Variants in CTSE observed in about 807,000 individuals in gnomAD.
CTSE encodes cathepsin E, also known as erythrocyte membrane aspartic proteinase.
In CTSE, 43 loss-of-function variants were observed where a neutral mutation model predicts 42.8. The observed-to-expected ratio is 1.01, with a 90% CI of 0.79 to 1.30. The LOEUF is 1.30. Ranked by LOEUF, CTSE falls within the 50% of genes most tolerant of loss-of-function variation. The probability of loss-of-function intolerance (pLI) is 0.00; values close to 1 mark genes in which losing one functional copy is unlikely to be tolerated. For synonymous variants in CTSE, 205 were observed against 191.5 expected, an observed-to-expected ratio of 1.07 and a Z score of -0.58; for missense variants, 532 against 493.5, an observed-to-expected ratio of 1.08 and a Z score of -0.74.
At chr1:206,023,112 C>G (rs983237713) in intron 1 of CTSE, 55 bp from the exon 2 acceptor site, 3 of 1,557,742 alleles carry the variant, frequency 1.9e-6, no homozygotes, top group African/African-American at 2.7e-5. Context: ...CCTCTTCCCC[C>G]CATTCTCGTC....
chr1:206,023,665 C>T (rs879988878), intron 1 of CTSE, 59 bp downstream of exon 1: 1 of 1,536,886 alleles, frequency 6.5e-7, no homozygotes. Context: ...CCCAGAGCAG[C>T]CCTGAGTTGC....
rs1478918540 is a variant in CTSE at position 206,023,158 on chromosome 1, G to A, written c.69-101C>T. The A allele has an allele frequency of 3.2e-5, 32 of 1,010,568 alleles. 3 individuals are homozygous for A. The highest frequency in any genetic ancestry group is 2.5e-4 in the Admixed American group (13 of 52,122). The allele number at this position is 1,010,568 out of a possible 1,614,324, so 62.6% of individuals were successfully genotyped here. A position where few individuals can be genotyped will look rare whatever the true frequency, so the allele number is the denominator to read the frequency against. Reference sequence around the variant, plus strand: ...AGGGGCCAACTAGAGAAGATGGGGTGGGAGGGGGGGATCTGCAAGACAGCA... The same window carrying A: ...AGGGGCCAACTAGAGAAGATGGGGTAGGAGGGGGGGATCTGCAAGACAGCA... On this transcript the variant is annotated intron_variant, in intron 1 of 8. Transcript: ENST00000358184.
At position 206,013,799 on chromosome 1, in the gene CTSE, T is replaced by G; in HGVS notation, c.758A>C (p.Gln253Pro). ...ATCCAGTGCAATCTGCCAGTAAGCTTGCTTGGTGACTGGGACCCAATTCAG... is the reference window on the plus strand; with the variant it reads ...ATCCAGTGCAATCTGCCAGTAAGCTGGCTTGGTGACTGGGACCCAATTCAG... ...GSLNWVPVTKQAYWQIALDNI... is the reference protein window; with the variant it reads ...GSLNWVPVTKPAYWQIALDNI... The change falls in exon 6 of 9, where the codon CAA (glutamine) becomes CCA (proline). Residue 253 changes from glutamine to proline, a missense_variant. By Grantham distance (76) the Gln-to-Pro change is moderately conservative (BLOSUM62 -1). Coordinates refer to ENST00000358184, the MANE Select transcript of CTSE (RefSeq NM_001910.4). 6.2e-7 allele frequency: 1 copy of G among 1,613,796 alleles called. No individual in the cohort carries two copies.
At chr1:206,016,623 G>C (rs1029017757) in intron 4 of CTSE, among the ~76,000 whole-genome samples, 4 of 151,954 alleles carry the variant, frequency 2.6e-5, no homozygotes, top group Admixed American at 6.6e-5. Flanking sequence ...TAATGTGTAA[G>C]GTAGGAATTA....
chr1:206,022,263 T>A lies in CTSE; in HGVS notation c.230A>T (p.Glu77Val), dbSNP rs1553278573. ...KEPLINYLDMEYFGTISIGSP... is the reference protein window; with the variant it reads ...KEPLINYLDMVYFGTISIGSP... ...GCCAATGGAGATAGTGCCGAAGTAT[T>A]CCATCTGCAAGGAAGAGTGAGAAGG... The change falls in exon 3 of 9, where the codon GAA becomes GTA. Residue 77 changes from glutamate to valine, a missense_variant. Glu to Val is a moderately radical substitution (Grantham distance 121). Coordinates refer to ENST00000358184, the MANE Select transcript of CTSE (RefSeq NM_001910.4). 2 of 1,604,868 alleles carry A rather than the reference T, an allele frequency of 1.2e-6. No homozygotes were observed. The highest frequency in any genetic ancestry group is 4.5e-5 in the East Asian group (2 of 44,814).
intron 5 of CTSE, among the ~76,000 whole-genome samples, chr1:206,014,867 T>A (rs1213461042): frequency 2.0e-5 from 3 of 151,972 alleles, no homozygotes; most frequent in African/African-American, 7.2e-5. Flanking sequence ...TGGTCCTGAG[T>A]GCTGTCATGC....
intron 8 of CTSE, 54 bp from the exon 9 acceptor site, chr1:206,010,401 A>G (rs1472770223): frequency 5.3e-6 from 8 of 1,510,238 alleles, no homozygotes; most frequent in Non-Finnish European, 7.3e-6. Context: ...AGGTAGTAGT[A>G]CTGCCTGGAG....
At position 206,012,413 on chromosome 1, in the gene CTSE, C is replaced by T; in HGVS notation, c.928-7G>A. 1 of 1,613,948 alleles carries T rather than the reference C, an allele frequency of 6.2e-7. No homozygotes were observed. The highest frequency in any genetic ancestry group is 1.3e-5 in the African/African-American group (1 of 75,054). On this transcript the variant is annotated splice_region_variant and splice_polypyrimidine_tract_variant and intron_variant, in intron 7 of 8. Transcript: ENST00000358184. The stretch of plus-strand genomic sequence containing the variant: ...TGGCACACTCCACAGCATACTAAAA[C>T]CCAATACGGAGGATCCGTTTAGAGC...
At chr1:206,023,144 A>T in intron 1 of CTSE, 87 bp from the exon 2 acceptor site, 5 of 516,936 alleles carry the variant, frequency 9.7e-6, no homozygotes, top group East Asian at 5.9e-5. Flanking sequence ...GGGGCCAACT[A>T]GAGAAGATGG....
At position 206,022,141 on chromosome 1, in the gene CTSE, C is replaced by A; in HGVS notation, c.343+9G>T. The A allele has an allele frequency of 1.3e-6, 2 of 1,561,222 alleles. No individual in the cohort carries two copies. Among genetic ancestry groups the A allele is most frequent in the Non-Finnish European group, 8.8e-7 (1 of 1,140,384 alleles). ...GACATTCTCTGCTGGTGCTCCTGGC[C>A]CCACTTACTGCAGGCTGGGCTAGTG... On this transcript the variant is annotated intron_variant, in intron 3 of 8. Coordinates refer to ENST00000358184, the MANE Select transcript of CTSE (RefSeq NM_001910.4).
At chr1:206,023,167 G>A (rs1661500146) in intron 1 of CTSE, 110 bp from the exon 2 acceptor site, 16 of 516,046 alleles carry the variant, frequency 3.1e-5, no homozygotes, top group South Asian at 2.5e-4. Flanking sequence ...TGGGAGGGGG[G>A]GATCTGCAAG....
chr1:206,013,158 C>T (rs1279060609), intron 6 of CTSE, among the ~76,000 whole-genome samples: 2 of 152,082 alleles, frequency 1.3e-5, no homozygotes, highest in South Asian at 2.1e-4. Flanking sequence ...ACTTGAACTA[C>T]ACTTTTCCAA....
chr1:206,010,235 G>C lies in CTSE; in HGVS notation c.1139C>G (p.Ser380Ter). Residue 380 changes from serine to a stop codon, truncating the protein, a stop_gained, in exon 9 of 9, where the codon TCA becomes TGA. Coordinates refer to ENST00000358184, the MANE Select transcript of CTSE (RefSeq NM_001910.4). LOFTEE classifies it high-confidence loss of function. ...LGDVFIRQFY[S>*]VFDRGNNRVG... The stretch of plus-strand genomic sequence containing the variant: ...ACGGTTATTCCCACGGTCAAAGACT[G>C]AGTAAAACTGTCGAATGAAGACATC... 6.2e-7 allele frequency: 1 copy of C among 1,613,786 alleles called. No homozygotes were observed. Among genetic ancestry groups the C allele is most frequent in the Non-Finnish European group, 8.5e-7 (1 of 1,179,786 alleles).
intron 4 of CTSE, 143 bp downstream of exon 4, chr1:206,020,906 G>T: frequency 1.6e-6 from 1 of 644,372 alleles, no homozygotes; most frequent in East Asian, 2.7e-5. Context: ...TCTCAGGTGG[G>T]GAGTGTTGCT....
Position 206,010,278 on chromosome 1 carries a change from G to A in CTSE, c.1096C>T (p.Pro366Ser), listed in dbSNP as rs1553276757. Residue 366 changes from proline to serine, a missense_variant, in exon 9 of 9, where the codon CCC (proline) becomes TCC (serine). By Grantham distance (74) the Pro-to-Ser change is moderately conservative (BLOSUM62 -1). Coordinates refer to ENST00000358184, the MANE Select transcript of CTSE (RefSeq NM_001910.4). ...AAGACATCCCCCAGGATCCAGAGGG[G>A]CCCAGCTGGAGGGTGGATGTCAAGT... ...QGLDIHPPAGPLWILGDVFIR... is the reference protein window; with the variant it reads ...QGLDIHPPAGSLWILGDVFIR... 6.2e-7 allele frequency: 1 copy of A among 1,613,780 alleles called. No individual in the cohort carries two copies. The highest frequency in any genetic ancestry group is 2.2e-5 in the East Asian group (1 of 44,884).
chr1:206,023,289 T>C (rs547979750), intron 1 of CTSE, among the ~76,000 whole-genome samples: 4 of 152,006 alleles, frequency 2.6e-5, no homozygotes, highest in Admixed American at 6.5e-5. Context: ...GCTCCCCTCC[T>C]GGAGCTGAGG....
chr1:206,023,455 T>C (rs1661512005), intron 1 of CTSE, among the ~76,000 whole-genome samples: 1 of 151,920 alleles, frequency 6.6e-6, no homozygotes, highest in African/African-American at 2.4e-5. Context: ...AAACCACAAC[T>C]GCAGGTTCCT....
Position 206,015,899 on chromosome 1 carries a change from G to C in CTSE, c.662+32C>G, listed in dbSNP as rs376447234. ...GTGTTGTCTCCCTGTAGTTATAACT[G>C]ACTTTAACCTCACAGACTTGATGGG... is the stretch of plus-strand genomic sequence containing the variant. On this transcript the variant is annotated intron_variant, in intron 5 of 8. Coordinates refer to ENST00000358184, the MANE Select transcript of CTSE (RefSeq NM_001910.4). The C allele has an allele frequency of 1.6e-5, 25 of 1,600,824 alleles. No homozygotes were observed. The African/African-American group carries it at 2.8e-4, about 18-fold the overall frequency.
chr1:206,009,791 C>A lies in CTSE; in HGVS notation c.*392G>T, dbSNP rs150873278. 4.8e-4 allele frequency: 105 copies of A among 219,078 alleles called. No homozygotes were observed. Among genetic ancestry groups the A allele is most frequent in the African/African-American group, 2.4e-3 (103 of 43,410 alleles). 13.6% of individuals were successfully genotyped at this position (219,078 alleles called of 1,614,324 possible). On this transcript the variant is annotated 3_prime_UTR_variant, in exon 9 of 9. Coordinates refer to ENST00000358184, the MANE Select transcript of CTSE (RefSeq NM_001910.4). ...GTGGGCAGCAGTGTAGATAAACAGGCCTGGCCGTGTGTGGATGGGTTGTCA... is the reference window on the plus strand; with the variant it reads ...GTGGGCAGCAGTGTAGATAAACAGGACTGGCCGTGTGTGGATGGGTTGTCA...
Sources: allele counts gnomAD v4.1 joint callset (sites outside exome capture counted in the v4.1 genomes callset), GRCh38; gene constraint gnomAD v4.1.1; transcripts MANE v1.5; gene names NCBI Gene and HGNC (gene_info 2026-07-23, HGNC 2026-07-21).